The following ARHGAP6 variants were observed in gnomAD, a reference collection of about 807,000 sequenced individuals.
ARHGAP6 encodes the protein Rho GTPase activating protein 6.
Under a neutral mutation model 55.7 loss-of-function variants are expected in ARHGAP6, and 16 were observed. That is an observed-to-expected ratio of 0.29 (90% CI 0.19 to 0.44). The LOEUF is 0.44. Ranked by LOEUF, ARHGAP6 falls within the 20% of genes least tolerant of loss-of-function variation. The probability of loss-of-function intolerance (pLI) is 1.00; values close to 1 mark genes in which losing one functional copy is unlikely to be tolerated. For synonymous variants in ARHGAP6, 382 were observed against 360.9 expected (o/e 1.06, Z -0.66); for missense variants, 698 against 808.9 (o/e 0.86, Z 1.66).
chrX:11,167,850 AT>A (rs1265231402), intron 9 of ARHGAP6, among the ~76,000 whole-genome samples: 1 of 112,354 alleles, frequency 8.9e-6, no homozygotes, highest in African/African-American at 3.2e-5. Context: ...TATGTAGTTA[AT>A]TATGAGGATT....
chrX:11,511,182 T>C (rs1445716354), intron 1 of ARHGAP6, among the ~76,000 whole-genome samples: 1 of 112,293 alleles, frequency 8.9e-6, no homozygotes, highest in Non-Finnish European at 1.9e-5. Flanking sequence ...GGTTCCTGAA[T>C]GGGTTATACA....
At chrX:11,519,455 G>A (rs905165964) in intron 1 of ARHGAP6, among the ~76,000 whole-genome samples, 1 of 105,932 alleles carries the variant, frequency 9.4e-6, no homozygotes, top group Non-Finnish European at 1.9e-5. Flanking sequence ...GTCTGTTCAT[G>A]TCCTTCGCCC....
intron 5 of ARHGAP6, 113 bp downstream of exon 5, chrX:11,186,123 T>G (rs1370688594): frequency 4.1e-6 from 3 of 730,973 alleles, no homozygotes; most frequent in Non-Finnish European, 6.1e-6. Context: ...ACACAGTAAA[T>G]TTCAGTTCAG....
intron 9 of ARHGAP6, among the ~76,000 whole-genome samples, chrX:11,157,631 A>G (rs5979376): frequency 0.16 from 17,311 of 111,564 alleles, 1,124 homozygotes; most frequent in Middle Eastern, 0.26. Flanking sequence ...GAGAAAATAA[A>G]ATTTCAGTCT....
intron 1 of ARHGAP6, among the ~76,000 whole-genome samples, chrX:11,256,251 T>C (rs1011298644): frequency 8.9e-6 from 1 of 111,741 alleles, no homozygotes; most frequent in Non-Finnish European, 1.9e-5. Flanking sequence ...TAGCCAGGCA[T>C]GGTGGCGCAT....
intron 8 of ARHGAP6, among the ~76,000 whole-genome samples, chrX:11,175,139 A>C (rs2147322093): frequency 9.0e-6 from 1 of 111,722 alleles, no homozygotes; most frequent in Non-Finnish European, 1.9e-5. Flanking sequence ...GAATCCTTCC[A>C]AGGATTCACA....
In ARHGAP6 at chrX:11,188,782, C is replaced by T. The variant is rs201600189; in HGVS notation, c.1023G>A (p.Pro341=). 8.6e-5 allele frequency: 104 copies of T among 1,210,419 alleles called. No individual in the cohort carries two copies. In the East Asian group the frequency reaches 2.9e-3, roughly 34 times the overall value. ...NSSLSSTSET[P]NESTSPNTPE... The stretch of plus-strand genomic sequence containing the variant: ...GGGTGTTTGGGGACGTTGACTCATT[C>T]GGTGTTTCTGAGGTTGAGCTGAGAG... The change falls in exon 4 of 13, where the codon CCG becomes CCA. Residue 341 remains proline (P), a synonymous_variant. Coordinates refer to ENST00000337414, the MANE Select transcript of ARHGAP6 (RefSeq NM_013427.3).
intron 1 of ARHGAP6, among the ~76,000 whole-genome samples, chrX:11,454,030 A>G (rs1603215117): frequency 9.5e-6 from 1 of 105,122 alleles, no homozygotes; most frequent in Non-Finnish European, 1.9e-5. Flanking sequence ...TGCAAGCTCC[A>G]CCTCCCGGGT....
chrX:11,468,771 A>G (rs1221982450), intron 1 of ARHGAP6, among the ~76,000 whole-genome samples: 2 of 112,463 alleles, frequency 1.8e-5, no homozygotes, highest in Non-Finnish European at 1.9e-5. Flanking sequence ...CTAAATGACA[A>G]AAAGGGAAAG....
intron 1 of ARHGAP6, among the ~76,000 whole-genome samples, chrX:11,600,167 T>C (rs1480784221): frequency 9.0e-6 from 1 of 111,721 alleles, no homozygotes; most frequent in Non-Finnish European, 1.9e-5. Flanking sequence ...ATGCTGCCCA[T>C]ACATGAATTC....
chrX:11,647,310 G>T (rs1303821745), intron 1 of ARHGAP6, among the ~76,000 whole-genome samples: 1 of 112,379 alleles, frequency 8.9e-6, no homozygotes, highest in Non-Finnish European at 1.9e-5. Flanking sequence ...TGATGTAAAT[G>T]AATATGTACT....
chrX:11,658,847 G>A (rs1204008327), intron 1 of ARHGAP6, among the ~76,000 whole-genome samples: 1 of 109,433 alleles, frequency 9.1e-6, no homozygotes, highest in Non-Finnish European at 1.9e-5. Flanking sequence ...TGTAAGATAA[G>A]TATTTGTTTG....
intron 1 of ARHGAP6, among the ~76,000 whole-genome samples, chrX:11,623,859 C>A (rs1359361012): frequency 8.9e-6 from 1 of 111,916 alleles, no homozygotes; most frequent in African/African-American, 3.2e-5. Context: ...CAATGACATT[C>A]TTCACAGAAA....
At chrX:11,558,829 T>C (rs1486063400) in intron 1 of ARHGAP6, among the ~76,000 whole-genome samples, 1 of 48,564 alleles carries the variant, frequency 2.1e-5, no homozygotes, top group African/African-American at 9.3e-5. Context: ...AGAGCAAGAT[T>C]CCATCTCAAA....
Position 11,179,407 on chromosome X carries a change from C to T in ARHGAP6, c.1375G>A (p.Glu459Lys), listed in dbSNP as rs1303568749. The T allele has an allele frequency of 8.3e-7, 1 of 1,207,737 alleles. No individual in the cohort carries two copies. The highest frequency in any genetic ancestry group is 1.1e-6 in the Non-Finnish European group (1 of 894,579). Residue 459 changes from glutamate to lysine, a missense_variant, in exon 7 of 13, where the codon GAG becomes AAG. Transcript: ENST00000337414. ...DRGIDVSLEE[E>K]HSVHDVAALL... is the part of the protein sequence containing the mutation. ...GCTGCCACATCATGAACACTGTGCT[C>T]CTCCTCCAGAGAGACATCAATCCCA...
At chrX:11,630,997 G>GT (rs1038398103) in intron 1 of ARHGAP6, among the ~76,000 whole-genome samples, 20 of 110,530 alleles carry the variant, frequency 1.8e-4, no homozygotes, top group East Asian at 2.8e-4. Context: ...GCCAGGCACT[G>GT]TTTTTTTTAA....
At chrX:11,479,500 C>A (rs1364395946) in intron 1 of ARHGAP6, among the ~76,000 whole-genome samples, 2 of 111,772 alleles carry the variant, frequency 1.8e-5, no homozygotes, top group South Asian at 3.7e-4. Flanking sequence ...TACTCTATGG[C>A]AGATGGAATC....
rs1225970559 is a variant in ARHGAP6 at position 11,542,624 on chromosome X, C to G, written c.588+121617G>C. The stretch of plus-strand genomic sequence containing the variant: ...TTTATGGGTAGATCATGCCCATGCC[C>G]CTGCCCCAATCCCCTAATTTAAGCA... On this transcript the variant is annotated intron_variant, in intron 1 of 12. Transcript: ENST00000337414. Among the ~76,000 whole-genome samples, 3 of 111,238 alleles carry G rather than the reference C, an allele frequency of 2.7e-5. No homozygotes were observed. In the East Asian group the frequency reaches 8.4e-4, roughly 31 times the overall value.
intron 2 of ARHGAP6, among the ~76,000 whole-genome samples, chrX:11,215,527 T>G (rs2147400730): frequency 8.8e-6 from 1 of 113,106 alleles, no homozygotes. Context: ...AGCCCCACGC[T>G]TCTTGAACCC....
Sources: allele counts gnomAD v4.1 joint callset (sites outside exome capture counted in the v4.1 genomes callset), GRCh38; gene constraint gnomAD v4.1.1; transcripts MANE v1.5; gene names NCBI Gene and HGNC (gene_info 2026-07-23, HGNC 2026-07-21).